SLC39A10: variants seen among roughly 807,000 people sequenced by gnomAD.
SLC39A10 encodes zinc transporter ZIP10.
SLC39A10 carries 13 observed loss-of-function variants against 65.1 expected under a neutral mutation model. That is an observed-to-expected ratio of 0.20 (90% CI 0.13 to 0.32). The LOEUF (loss-of-function observed/expected upper bound fraction) is 0.32. Ranked by LOEUF, SLC39A10 falls within the 10% of genes least tolerant of loss-of-function variation. The probability of loss-of-function intolerance (pLI) is 1.00; values close to 1 mark genes in which losing one functional copy is unlikely to be tolerated. For missense variants in SLC39A10, 831 were observed against 1,018.4 expected (o/e 0.82, Z 2.50); for synonymous variants, 321 against 342.2 (o/e 0.94, Z 0.68).
At chr2:195,696,880 G>T (rs1436118380) in intron 3 of SLC39A10, among the ~76,000 whole-genome samples, 2 of 152,164 alleles carry the variant, frequency 1.3e-5, no homozygotes, top group Admixed American at 6.6e-5. Context: ...TAAGCAAAGT[G>T]AGAGTTTATT....
intron 3 of SLC39A10, among the ~76,000 whole-genome samples, chr2:195,697,729 G>GA (rs1360953734): frequency 6.7e-6 from 1 of 148,458 alleles, no homozygotes; most frequent in Non-Finnish European, 1.5e-5. Flanking sequence ...AAATTTACAA[G>GA]AAAAAACGAC....
chr2:195,674,756 T>TG, intron 1 of SLC39A10: 1 of 594,696 alleles, frequency 1.7e-6, no homozygotes, highest in Non-Finnish European at 2.1e-6. Flanking sequence ...CAAACCTAGA[T>TG]GGTGTAGCCT....
rs1031629703 is a variant in SLC39A10, at chr2:195,737,007, A to G, written c.*1966A>G. 1 of 150,154 alleles carries G rather than the reference A, an allele frequency of 6.7e-6. No individual in the cohort carries two copies. Among genetic ancestry groups the G allele is most frequent in the East Asian group, 1.9e-4 (1 of 5,132 alleles). The allele number at this position is 150,154 out of a possible 1,614,324, so 9.3% of individuals were successfully genotyped here. A position where few individuals can be genotyped will look rare whatever the true frequency, so the allele number is the denominator to read the frequency against. ...ATTTTAGAACCTTTATAAAAGCAAT[A>G]GCTGGAATATACTCCCAGTTTTAAA... On this transcript the variant is annotated 3_prime_UTR_variant, in exon 10 of 10. Coordinates refer to ENST00000359634, the MANE Select transcript of SLC39A10 (RefSeq NM_020342.3).
intron 3 of SLC39A10, among the ~76,000 whole-genome samples, chr2:195,692,844 G>A (rs1031351271): frequency 2.0e-5 from 3 of 152,040 alleles, no homozygotes; most frequent in Non-Finnish European, 2.9e-5. Flanking sequence ...TGATTGCTCT[G>A]GCTAGGACTT....
Position 195,638,845 on chromosome 2 carries a change from C to T in SLC39A10, c.-12+32612C>T, listed in dbSNP as rs145497041. Among the ~76,000 whole-genome samples, 201 of 152,066 alleles carry T rather than the reference C, an allele frequency of 1.3e-3. 1 individual carries two copies. Among genetic ancestry groups the T allele is most frequent in the African/African-American group, 4.7e-3 (195 of 41,494 alleles). ...TTTTTATCAAAGGTCATTTTTCCAT[C>T]CTAGAATCATATCTAAGTTACATTA... On this transcript the variant is annotated intron_variant, in intron 2 of 2. Transcript: ENST00000458054.
intron 1 of SLC39A10, among the ~76,000 whole-genome samples, chr2:195,673,258 C>T (rs1486954810): frequency 1.3e-5 from 2 of 152,108 alleles, no homozygotes; most frequent in Non-Finnish European, 2.9e-5. Context: ...CTCACTGCAG[C>T]CTTGACCACC....
chr2:195,647,487 C>T (rs963594150), intron 2 of SLC39A10, among the ~76,000 whole-genome samples: 1 of 151,810 alleles, frequency 6.6e-6, no homozygotes, highest in African/African-American at 2.4e-5. Context: ...ACCAGGCATT[C>T]ACTCATCTCA....
At chr2:195,640,824 CA>C (rs1688798771) in intron 2 of SLC39A10, among the ~76,000 whole-genome samples, 1 of 151,866 alleles carries the variant, frequency 6.6e-6, no homozygotes, top group Non-Finnish European at 1.5e-5. Context: ...TAACTGGGGG[CA>C]AAAAAAGCGA....
intron 1 of SLC39A10, among the ~76,000 whole-genome samples, chr2:195,673,567 C>T (rs2105756198): frequency 6.6e-6 from 1 of 152,284 alleles, no homozygotes; most frequent in East Asian, 1.9e-4. Flanking sequence ...CTGGATAAGT[C>T]ATTGCTAATT....
intron 2 of SLC39A10, among the ~76,000 whole-genome samples, 199 bp downstream of exon 2, chr2:195,681,249 G>A (rs749055067): frequency 9.9e-5 from 15 of 152,182 alleles, no homozygotes; most frequent in African/African-American, 1.4e-4. Flanking sequence ...TTAAGTATCC[G>A]GGCGCGGTGG....
intron 3 of SLC39A10, among the ~76,000 whole-genome samples, chr2:195,692,903 T>G (rs1690798509): frequency 6.6e-6 from 1 of 152,162 alleles, no homozygotes; most frequent in South Asian, 2.1e-4. Context: ...CTTGTCTTGT[T>G]CCGGTTCTCA....
chr2:195,708,593 T>C, intron 4 of SLC39A10, 63 bp from the exon 5 acceptor site: 1 of 1,276,914 alleles, frequency 7.8e-7, no homozygotes, highest in Middle Eastern at 2.0e-4. Flanking sequence ...ATTATTATAA[T>C]TTCAAAATTT....
chr2:195,690,569 G>A (rs957576408), intron 3 of SLC39A10, among the ~76,000 whole-genome samples: 2 of 152,098 alleles, frequency 1.3e-5, no homozygotes, highest in African/African-American at 2.4e-5. Flanking sequence ...TCATCGTAAT[G>A]GTGTGAGGTG....
rs1314200867 is a variant in SLC39A10 at position 195,708,672 on chromosome 2, A to G, written c.1403A>G (p.Asp468Gly). ...HLLPHSQGGH[D>G]HSHQHAHGHG... ...TATTAATAGTCTCAGGGTGGACATG[A>G]TCACAGTCACCAACATGCACATGGG... is the stretch of plus-strand genomic sequence containing the variant. The change falls in exon 5 of 10, where the codon GAT (aspartate) becomes GGT (glycine). Residue 468 changes from aspartate to glycine, a missense_variant. By Grantham distance (94) the Asp-to-Gly change is moderately conservative. Coordinates refer to ENST00000359634, the MANE Select transcript of SLC39A10 (RefSeq NM_020342.3). The G allele has an allele frequency of 1.9e-6, 3 of 1,602,928 alleles. No individual in the cohort carries two copies. The highest frequency in any genetic ancestry group is 2.6e-6 in the Non-Finnish European group (3 of 1,175,688).
At chr2:195,720,574 G>A (rs890713804) in intron 8 of SLC39A10, among the ~76,000 whole-genome samples, 6 of 152,166 alleles carry the variant, frequency 3.9e-5, no homozygotes, top group Non-Finnish European at 7.4e-5. Context: ...TGTAGTATTT[G>A]CTCATTTTGA....
At chr2:195,664,804 TTCCCCTCA>T (rs1464178228) in intron 1 of SLC39A10, among the ~76,000 whole-genome samples, 6 of 152,218 alleles carry the variant, frequency 3.9e-5, no homozygotes, top group African/African-American at 1.4e-4. Context: ...TTTATAGTTT[TTCCCCTCA>T]TCTTGGAATT....
At position 195,737,108 on chromosome 2, in the gene SLC39A10, G is replaced by A. The variant is rs1193870933; in HGVS notation, c.*2067G>A. ...GAAGTTTTATATTCTCTCAAAAATG[G>A]TATTATCTTTCTTTATTTGCTAGAT... On this transcript the variant is annotated 3_prime_UTR_variant, in exon 10 of 10. Transcript: ENST00000359634. 1 of 151,784 alleles carries A rather than the reference G, an allele frequency of 6.6e-6. No homozygotes were observed. Among genetic ancestry groups the A allele is most frequent in the Middle Eastern group, 3.2e-3 (1 of 314 alleles). 9.4% of individuals were successfully genotyped at this position (151,784 alleles called of 1,614,324 possible).
intron 2 of SLC39A10, among the ~76,000 whole-genome samples, chr2:195,643,508 A>G (rs1688850377): frequency 6.6e-6 from 1 of 152,244 alleles, no homozygotes; most frequent in Admixed American, 6.5e-5. Flanking sequence ...TTATGTTTAT[A>G]TATTTAAATC....
intron 6 of SLC39A10, 32 bp downstream of exon 6, chr2:195,713,585 T>A (rs773890057): frequency 6.5e-7 from 1 of 1,550,276 alleles, no homozygotes; most frequent in South Asian, 1.2e-5. Flanking sequence ...AGACAAACTT[T>A]TTTCTTTTTT....
Sources: allele counts gnomAD v4.1 joint callset (sites outside exome capture counted in the v4.1 genomes callset), GRCh38; gene constraint gnomAD v4.1.1; transcripts MANE v1.5; gene names NCBI Gene and HGNC (gene_info 2026-07-23, HGNC 2026-07-21).